Variants in ZNF14 observed in about 807,000 individuals in gnomAD.
ZNF14 encodes the protein zinc finger protein 14, also known as gonadotropin inducible transcription repressor-4.
ZNF14 carries 9 observed loss-of-function variants against 11.3 expected under a neutral mutation model. The observed-to-expected ratio is 0.80, with a 90% CI of 0.48 to 1.39. The LOEUF (loss-of-function observed/expected upper bound fraction) is 1.39. Among genes scored for constraint, ZNF14 ranks in the 40% most tolerant of loss-of-function variants. The pLI, the probability that ZNF14 is intolerant of heterozygous loss-of-function variation, is 0.00. For synonymous variants in ZNF14, 239 were observed against 245.7 expected, an observed-to-expected ratio of 0.97 and a Z score of 0.25; for missense variants, 711 against 763.9, an observed-to-expected ratio of 0.93 and a Z score of 0.82.
chr19:19,718,913 C>T (rs2062384991), intron 1 of ZNF14, among the ~76,000 whole-genome samples: 1 of 152,090 alleles, frequency 6.6e-6, no homozygotes, highest in African/African-American at 2.4e-5. Context: ...TACAGGTACG[C>T]ACCACCATGT....
At chr19:19,732,662 C>A (rs1017432022) in intron 1 of ZNF14, among the ~76,000 whole-genome samples, 4 of 152,234 alleles carry the variant, frequency 2.6e-5, no homozygotes, top group Non-Finnish European at 5.9e-5. Context: ...TGGGATCTCC[C>A]CAGGACCCTC....
chr19:19,711,465 C>T lies in ZNF14; in HGVS notation c.1816G>A (p.Glu606Lys), dbSNP rs1182907340. The change falls in exon 4 of 4, where the codon GAA becomes AAA. Residue 606 changes from glutamate (E) to lysine (K), a missense_variant. By Grantham distance (56) the Glu-to-Lys change is moderately conservative (BLOSUM62 1). Coordinates refer to ENST00000344099, the MANE Select transcript of ZNF14 (RefSeq NM_021030.3). Reference sequence around the variant, plus strand: ...GGTTTCTCTCCAGTGTGAGACCTTTCATGAATTCGAACAGAACTTGAAAAT... The same window carrying T: ...GGTTTCTCTCCAGTGTGAGACCTTTTATGAATTCGAACAGAACTTGAAAAT... The part of the protein sequence containing the change: ...FRFSSSVRIH[E>K]RSHTGEKPYE... 5.6e-6 allele frequency: 9 copies of T among 1,613,938 alleles called. No homozygotes were observed. Among genetic ancestry groups the T allele is most frequent in the Non-Finnish European group, 6.8e-6 (8 of 1,179,922 alleles).
intron 1 of ZNF14, among the ~76,000 whole-genome samples, chr19:19,729,586 G>C (rs961135091): frequency 6.6e-6 from 1 of 152,152 alleles, no homozygotes; most frequent in Non-Finnish European, 1.5e-5. Context: ...AAAGTGCTGG[G>C]ATTACAGGCA....
At chr19:19,719,158 T>C (rs939343684) in intron 1 of ZNF14, among the ~76,000 whole-genome samples, 1 of 152,124 alleles carries the variant, frequency 6.6e-6, no homozygotes, top group Non-Finnish European at 1.5e-5. Flanking sequence ...TAGAATTCTG[T>C]ATAGAGCAAG....
chr19:19,727,878 T>C (rs1349319968), intron 1 of ZNF14, among the ~76,000 whole-genome samples: 4 of 133,178 alleles, frequency 3.0e-5, no homozygotes, highest in Non-Finnish European at 5.0e-5. Context: ...AATAGAAAAA[T>C]GCTACCAGAA....
intron 1 of ZNF14, among the ~76,000 whole-genome samples, chr19:19,729,567 C>G (rs765695419): frequency 2.0e-5 from 3 of 151,984 alleles, no homozygotes; most frequent in African/African-American, 7.3e-5. Flanking sequence ...TCACTCATCT[C>G]GGTTTCTCAA....
chr19:19,718,899 A>C (rs1299446950), intron 1 of ZNF14, among the ~76,000 whole-genome samples: 3 of 152,060 alleles, frequency 2.0e-5, no homozygotes, highest in Admixed American at 1.3e-4. Context: ...CGAGTAGCTG[A>C]GATTACAGGT....
chr19:19,714,999 T>C (rs763202087), intron 1 of ZNF14, among the ~76,000 whole-genome samples: 20 of 152,294 alleles, frequency 1.3e-4, no homozygotes, highest in Non-Finnish European at 2.5e-4. Flanking sequence ...CGTGAGCCAC[T>C]GTGCCTGGTC....
chr19:19,711,516 A>G lies in ZNF14; in HGVS notation c.1765T>C (p.Cys589Arg). 6.2e-7 allele frequency: 1 copy of G among 1,613,908 alleles called. No homozygotes were observed. The highest frequency in any genetic ancestry group is 8.5e-7 in the Non-Finnish European group (1 of 1,179,920). The change falls in exon 4 of 4, where the codon TGT (cysteine) becomes CGT (arginine). Residue 589 changes from cysteine (C) to arginine (R), a missense_variant. By Grantham distance (180) the Cys-to-Arg change is radical. Coordinates refer to ENST00000344099, the MANE Select transcript of ZNF14 (RefSeq NM_021030.3). ...CTGAAGGCTTTCCCACATTGTTTAC[A>G]TCGATAGGGTTTCTCTCCCGTGTGA... Reference protein sequence around the residue: ...RTHTGEKPYRCKQCGKAFRFS... With the variant: ...RTHTGEKPYRRKQCGKAFRFS...
intron 1 of ZNF14, 87 bp downstream of exon 1, chr19:19,732,869 G>A: frequency 6.4e-7 from 1 of 1,569,642 alleles, no homozygotes; most frequent in Non-Finnish European, 8.7e-7. Flanking sequence ...TGCAAACCCC[G>A]GAGTTGACTG....
At position 19,712,194 on chromosome 19, in the gene ZNF14, A is replaced by G. The variant is rs1265473326; in HGVS notation, c.1087T>C (p.Tyr363His). Residue 363 changes from tyrosine to histidine, a missense_variant, in exon 4 of 4, where the codon TAT becomes CAT. Transcript: ENST00000344099. ...HERTHIGEKP[Y>H]ECKRCGKSFS... is the part of the protein sequence containing the mutation. Reference sequence around the variant, plus strand: ...GATTTGCCACATCGTTTACATTCATATGGTTTTTCTCCAATATGAGTTCTT... The same window carrying G: ...GATTTGCCACATCGTTTACATTCATGTGGTTTTTCTCCAATATGAGTTCTT... The G allele has an allele frequency of 1.9e-6, 3 of 1,613,934 alleles. No individual in the cohort carries two copies. The highest frequency in any genetic ancestry group is 2.7e-5 in the African/African-American group (2 of 74,940).
rs1337938353 is a variant in ZNF14, at chr19:19,733,022, C to T, written c.-64G>A. The stretch of plus-strand genomic sequence containing the variant: ...ATCTGTCAGTACCTGCAGGTCACGG[C>T]GCGACAAAGGATGCGCTAGAGCCAC... On this transcript the variant is annotated 5_prime_UTR_variant, in exon 1 of 4. Transcript: ENST00000344099. 6 of 1,597,274 alleles carry T rather than the reference C, an allele frequency of 3.8e-6. No individual in the cohort carries two copies. Among genetic ancestry groups the T allele is most frequent in the Middle Eastern group, 1.7e-4 (1 of 6,020 alleles).
intron 1 of ZNF14, among the ~76,000 whole-genome samples, chr19:19,718,866 A>G (rs2145097912): frequency 6.6e-6 from 1 of 152,282 alleles, no homozygotes; most frequent in East Asian, 1.9e-4. Flanking sequence ...CCTGGGTTCA[A>G]GCAATTCTCC....
intron 1 of ZNF14, among the ~76,000 whole-genome samples, chr19:19,728,556 C>T (rs529070039): frequency 8.8e-6 from 1 of 113,282 alleles, no homozygotes; most frequent in Admixed American, 8.9e-5. Context: ...GAAGAACTAA[C>T]ATGACAAGCT....
At chr19:19,715,567 A>G (rs887332573) in intron 1 of ZNF14, among the ~76,000 whole-genome samples, 5 of 152,236 alleles carry the variant, frequency 3.3e-5, no homozygotes, top group African/African-American at 9.6e-5. Flanking sequence ...CAGTTATTCA[A>G]TTAAAACACG....
chr19:19,711,125 A>G lies in ZNF14; in HGVS notation c.*227T>C. ...AAAACAAAACAGATTTCACTGCAGCACGAGTCCTGTCTTTGAAATGAATTA... is the reference window on the plus strand; with the variant it reads ...AAAACAAAACAGATTTCACTGCAGCGCGAGTCCTGTCTTTGAAATGAATTA... On this transcript the variant is annotated 3_prime_UTR_variant, in exon 4 of 4. Transcript: ENST00000344099. The G allele has an allele frequency of 2.1e-6, 1 of 465,536 alleles. No individual in the cohort carries two copies. The highest frequency in any genetic ancestry group is 3.6e-6 in the Non-Finnish European group (1 of 275,038). The allele number at this position is 465,536 out of a possible 1,614,324, so 28.8% of individuals were successfully genotyped here.
chr19:19,711,523 G>A lies in ZNF14; in HGVS notation c.1758C>T (p.Pro586=). The part of the protein sequence containing the change: ...MHERTHTGEK[P]YRCKQCGKAF... Reference sequence around the variant, plus strand: ...CTTTCCCACATTGTTTACATCGATAGGGTTTCTCTCCCGTGTGAGTTCTCT... The same window carrying A: ...CTTTCCCACATTGTTTACATCGATAAGGTTTCTCTCCCGTGTGAGTTCTCT... Residue 586 remains proline, a synonymous_variant, in exon 4 of 4, where the codon CCC becomes CCT. Transcript: ENST00000344099. 3 of 1,613,480 alleles carry A rather than the reference G, an allele frequency of 1.9e-6. No homozygotes were observed. Among genetic ancestry groups the A allele is most frequent in the Non-Finnish European group, 1.7e-6 (2 of 1,179,838 alleles).
rs773765829 is a variant in ZNF14 at position 19,714,476 on chromosome 19, GGA to G, written c.13_14del (p.Ser5LeufsTer2). On this transcript the variant is annotated frameshift_variant, in exon 2 of 4. Transcript: ENST00000344099. LOFTEE classifies it high-confidence loss of function. MDSV[S>X]FEDVAVNFTL... is the part of the protein sequence containing the mutation. ...TGAAGTTCACGGCCACATCCTCAAA[GGA>G]GACTGAGTCCTGAAACATTCCACAT... 1 of 1,613,410 alleles carries G rather than the reference GGA, an allele frequency of 6.2e-7. No homozygotes were observed. Among genetic ancestry groups the G allele is most frequent in the Admixed American group, 1.7e-5 (1 of 59,632 alleles).
intron 1 of ZNF14, 133 bp from the exon 2 acceptor site, chr19:19,714,620 C>T (rs1191886647): frequency 1.1e-6 from 1 of 949,726 alleles, no homozygotes; most frequent in African/African-American, 1.7e-5. Flanking sequence ...GCTGTCAGAA[C>T]TACGACTGTC....
Sources: gnomAD v4.1 joint callset for allele counts (sites outside exome capture counted in the v4.1 genomes callset) on GRCh38, gnomAD v4.1.1 for gene constraint, MANE v1.5 for transcripts, NCBI Gene and HGNC (gene_info 2026-07-23, HGNC 2026-07-21) for gene names.